RASEF: variants seen among roughly 807,000 people sequenced by gnomAD.
RASEF encodes the protein ras and EF-hand domain-containing protein.
A neutral mutation model predicts 90.1 loss-of-function variants in RASEF; 68 were observed. The observed-to-expected ratio is 0.75, with a 90% confidence interval of 0.62 to 0.92. The LOEUF is 0.92. RASEF is among the 40% of genes least tolerant of loss of function. The pLI is 0.00. For missense variants in RASEF, 949 were observed against 937.2 expected (o/e 1.01, Z -0.16); for synonymous variants, 331 against 345.2 (o/e 0.96, Z 0.46).
the RASEF span, among the ~76,000 whole-genome samples, chr9:83,109,204 G>C: frequency 1.3e-5 from 2 of 152,198 alleles, no homozygotes; most frequent in African/African-American, 4.8e-5. Flanking sequence ...CCCCCGTGGT[G>C]CCTTGCACAT....
chr9:83,036,992 T>G (rs1403933796), intron 1 of RASEF, among the ~76,000 whole-genome samples: 1 of 152,080 alleles, frequency 6.6e-6, no homozygotes, highest in Non-Finnish European at 1.5e-5. Context: ...GTGGTATCAT[T>G]AGCCACATGA....
the RASEF span, among the ~76,000 whole-genome samples, chr9:83,119,534 C>T: frequency 6.6e-6 from 1 of 152,154 alleles, no homozygotes; most frequent in Non-Finnish European, 1.5e-5. Context: ...GGTCTGAAGA[C>T]TTCCCCTCCA....
intron 1 of RASEF, among the ~76,000 whole-genome samples, chr9:83,029,731 A>G (rs1287977280): frequency 2.0e-5 from 3 of 152,204 alleles, no homozygotes; most frequent in African/African-American, 7.2e-5. Flanking sequence ...TCTTATAAAC[A>G]AACTGCTTGA....
At chr9:83,109,720 T>G in the RASEF span, among the ~76,000 whole-genome samples, 2 of 152,178 alleles carry the variant, frequency 1.3e-5, no homozygotes, top group African/African-American at 4.8e-5. Context: ...ATGTGCCCCA[T>G]GCTGACAATT....
At chr9:83,007,807 C>T (rs1011822052) in intron 6 of RASEF, among the ~76,000 whole-genome samples, 3 of 152,180 alleles carry the variant, frequency 2.0e-5, no homozygotes, top group African/African-American at 7.2e-5. Flanking sequence ...CTCTTCCATC[C>T]CCATGCTCGC....
the RASEF span, among the ~76,000 whole-genome samples, chr9:83,094,939 C>T: frequency 6.6e-6 from 1 of 152,128 alleles, no homozygotes; most frequent in African/African-American, 2.4e-5. Context: ...GCCTCACGTC[C>T]AAGCATACGT....
the RASEF span, among the ~76,000 whole-genome samples, chr9:83,165,338 A>AT: frequency 6.6e-6 from 1 of 152,118 alleles, no homozygotes; most frequent in Non-Finnish European, 1.5e-5. Flanking sequence ...TAAACCAGAA[A>AT]TTAATAACAG....
the RASEF span, among the ~76,000 whole-genome samples, chr9:83,217,978 C>A: frequency 6.9e-6 from 1 of 145,546 alleles, no homozygotes. Flanking sequence ...TGCTCTTTAT[C>A]CATTCATCAA....
the RASEF span, among the ~76,000 whole-genome samples, chr9:83,202,243 T>A: frequency 6.6e-6 from 1 of 152,170 alleles, no homozygotes; most frequent in African/African-American, 2.4e-5. Flanking sequence ...AATTTCTATA[T>A]CTATGCAGCT....
chr9:83,204,121 A>G, the RASEF span, among the ~76,000 whole-genome samples: 2 of 152,118 alleles, frequency 1.3e-5, no homozygotes, highest in East Asian at 1.9e-4. Context: ...ATTCAAAAAC[A>G]TTTAGGAGGT....
the RASEF span, among the ~76,000 whole-genome samples, chr9:83,165,938 C>A: frequency 6.6e-6 from 1 of 152,056 alleles, no homozygotes; most frequent in Non-Finnish European, 1.5e-5. Context: ...TTGAAAGACA[C>A]AATCTGTCAA....
the RASEF span, among the ~76,000 whole-genome samples, chr9:83,103,935 A>G: frequency 1.3e-5 from 2 of 152,202 alleles, no homozygotes; most frequent in African/African-American, 2.4e-5. Flanking sequence ...GTCCCATTCA[A>G]TTAGGGAATT....
the RASEF span, among the ~76,000 whole-genome samples, chr9:83,093,580 G>A: frequency 2.5e-3 from 378 of 152,364 alleles, 3 homozygotes; most frequent in African/African-American, 8.6e-3. Flanking sequence ...AGGGCTGGCC[G>A]AGCCGGTCGG....
the RASEF span, among the ~76,000 whole-genome samples, chr9:83,204,945 A>C: frequency 6.6e-6 from 1 of 152,268 alleles, no homozygotes; most frequent in Non-Finnish European, 1.5e-5. Flanking sequence ...CCTTTAAAGC[A>C]GGTGAGACAA....
chr9:83,030,298 G>A (rs1184238721), intron 1 of RASEF, among the ~76,000 whole-genome samples: 5 of 151,816 alleles, frequency 3.3e-5, no homozygotes, highest in East Asian at 1.9e-4. Flanking sequence ...CAGAGATTGC[G>A]GTGAGCCAAG....
chr9:83,211,668 C>T, the RASEF span, among the ~76,000 whole-genome samples: 1 of 152,148 alleles, frequency 6.6e-6, no homozygotes, highest in Non-Finnish European at 1.5e-5. Context: ...TTGCACATTG[C>T]CTTGCACTAA....
At chr9:83,089,660 C>T in the RASEF span, among the ~76,000 whole-genome samples, 21,552 of 152,008 alleles carry the variant, frequency 0.14, 2,014 homozygotes, top group East Asian at 0.43. Context: ...ATTGAGGATC[C>T]TTTGTAGGTG....
chr9:83,158,768 A>ATATATG, the RASEF span, among the ~76,000 whole-genome samples: 6 of 140,816 alleles, frequency 4.3e-5, no homozygotes, highest in African/African-American at 1.5e-4. Flanking sequence ...GTATATATAC[A>ATATATG]CACATATGAA....
chr9:83,015,830 T>C lies in RASEF; in HGVS notation c.740A>G (p.Gln247Arg), dbSNP rs779129190. 2 of 1,613,890 alleles carry C rather than the reference T, an allele frequency of 1.2e-6. No homozygotes were observed. Among genetic ancestry groups the C allele is most frequent in the Admixed American group, 3.3e-5 (2 of 60,012 alleles). Residue 247 changes from glutamine to arginine, a missense_variant, in exon 4 of 17, where the codon CAG becomes CGG. Coordinates refer to ENST00000376447, the MANE Select transcript of RASEF (RefSeq NM_152573.4). Reference sequence around the variant, plus strand: ...CTTTCTTAGCTTTTTAATGGTCACCTGCAGATCTCCTACTTCAGTTTCATA... The same window carrying C: ...CTTTCTTAGCTTTTTAATGGTCACCCGCAGATCTCCTACTTCAGTTTCATA... ...RQYETEVGDL[Q>R]VTIKKLRKLE... is the part of the protein sequence containing the mutation.
Sources: allele counts gnomAD v4.1 joint callset (sites outside exome capture counted in the v4.1 genomes callset), GRCh38; gene constraint gnomAD v4.1.1; transcripts MANE v1.5; gene names NCBI Gene and HGNC (gene_info 2026-07-23, HGNC 2026-07-21).